The following PLB1 variants were observed in gnomAD, a reference collection of about 807,000 sequenced individuals.
PLB1 encodes phospholipase B1, membrane-associated.
In PLB1, 242 loss-of-function variants were observed where a neutral mutation model predicts 227.4. That is an observed-to-expected ratio of 1.06 (90% CI 0.96 to 1.18). The LOEUF is 1.18. Among genes scored for constraint, PLB1 ranks in the 50% most tolerant of loss-of-function variants. The probability of loss-of-function intolerance (pLI) is 0.00; values close to 1 mark genes in which losing one functional copy is unlikely to be tolerated. For missense variants in PLB1, 1,858 were observed against 1,816.3 expected, an observed-to-expected ratio of 1.02 and a Z score of -0.42; for synonymous variants, 757 against 682.2, an observed-to-expected ratio of 1.11 and a Z score of -1.71.
intron 19 of PLB1, chr2:28,566,554 A>G (rs1676941241): frequency 3.9e-6 from 2 of 512,014 alleles, no homozygotes; most frequent in South Asian, 2.7e-5. Context: ...CCCTTCCCCA[A>G]CATCAGCGAA....
At chr2:28,579,791 A>G in intron 23 of PLB1, 84 bp downstream of exon 23, 1 of 1,192,170 alleles carries the variant, frequency 8.4e-7, no homozygotes, top group Non-Finnish European at 1.2e-6. Context: ...CGGGAGGAGT[A>G]CAGCTAAGTT....
intron 17 of PLB1, among the ~76,000 whole-genome samples, chr2:28,555,099 TG>T (rs1188138254): frequency 2.0e-5 from 3 of 150,728 alleles, no homozygotes; most frequent in African/African-American, 7.3e-5. Context: ...CACAGTTAAC[TG>T]GCCAATAATG....
intron 1 of PLB1, among the ~76,000 whole-genome samples, chr2:28,514,128 A>G (rs917468850): frequency 6.6e-6 from 1 of 152,216 alleles, no homozygotes; most frequent in Admixed American, 6.5e-5. Flanking sequence ...GAAGGGGTCC[A>G]AAAGCTTTTG....
chr2:28,560,692 C>G (rs1336379405), intron 17 of PLB1, among the ~76,000 whole-genome samples: 1 of 152,136 alleles, frequency 6.6e-6, no homozygotes, highest in Admixed American at 6.6e-5. Flanking sequence ...ATAATTGAAC[C>G]TTGAAAACAT....
intron 43 of PLB1, among the ~76,000 whole-genome samples, chr2:28,612,095 G>A (rs894118620): frequency 6.6e-6 from 1 of 152,186 alleles, no homozygotes; most frequent in Admixed American, 6.5e-5. Flanking sequence ...GCAGTGAGCC[G>A]AGATCGCGCC....
At chr2:28,549,412 C>CTT (rs746205635) in intron 15 of PLB1, among the ~76,000 whole-genome samples, 3,458 of 86,758 alleles carry the variant, frequency 0.04, 632 homozygotes, top group Middle Eastern at 0.065. Flanking sequence ...GAGATTCTTT[C>CTT]TTTTTTTTTT....
intron 33 of PLB1, chr2:28,595,568 ATTTAAGT>A (rs1682773507): frequency 6.6e-6 from 1 of 152,178 alleles, no homozygotes; most frequent in Non-Finnish European, 1.5e-5. Context: ...GCAGAAATCT[ATTTAAGT>A]TTTATCTGTT....
chr2:28,507,384 G>A (rs577257340), intron 1 of PLB1, among the ~76,000 whole-genome samples: 5 of 152,286 alleles, frequency 3.3e-5, no homozygotes, highest in Admixed American at 1.3e-4. Context: ...GGGCCCTCTT[G>A]CTGTGCCATC....
At position 28,538,388 on chromosome 2, in the gene PLB1, C is replaced by G. The variant is rs763543278; in HGVS notation, c.618+7C>G. 6.2e-7 allele frequency: 1 copy of G among 1,610,516 alleles called. No individual in the cohort carries two copies. Among genetic ancestry groups the G allele is most frequent in the Non-Finnish European group, 8.5e-7 (1 of 1,179,450 alleles). ...GGACTACCTGCAGCAGGAGGTGAGGCCACGGGCCTAGGGCTTCCCCAAGGG... is the reference window on the plus strand; with the variant it reads ...GGACTACCTGCAGCAGGAGGTGAGGGCACGGGCCTAGGGCTTCCCCAAGGG... On this transcript the variant is annotated splice_region_variant and intron_variant, in intron 10 of 57. Transcript: ENST00000327757.
intron 12 of PLB1, 106 bp downstream of exon 12, chr2:28,540,547 C>T: frequency 1.1e-6 from 1 of 877,174 alleles, no homozygotes; most frequent in South Asian, 1.5e-5. Context: ...AATGTTAGGA[C>T]TTCTCCAGCT....
In PLB1 at chr2:28,535,937, A is replaced by G. The variant is rs774063867; in HGVS notation, c.556-2382A>G. ...TCTGTCTTTAAAAACAAAACAAAAC[A>G]AAACAAATGCTCTGTAGAGACCCAG... On this transcript the variant is annotated intron_variant, in intron 9 of 57. Transcript: ENST00000327757. Among the ~76,000 whole-genome samples the G allele has an allele frequency of 3.9e-5, 6 of 152,194 alleles. No homozygotes were observed. The South Asian group carries it at 1.2e-3, about 32-fold the overall frequency.
chr2:28,525,920 G>A lies in PLB1; in HGVS notation c.300G>A (p.Gln100=), dbSNP rs146883246. ...LEKQDWTERP[Q]QVCMGVMTVL... is the part of the protein sequence containing the mutation. ...CTACCTGCAGGACTGAAAGGCCACA[G>A]CAGGTGTGCATGGGAGTGATGACAG... The change falls in exon 6 of 58, where the codon CAG becomes CAA. Residue 100 remains glutamine, a synonymous_variant. Transcript: ENST00000327757. 4.3e-6 allele frequency: 7 copies of A among 1,613,946 alleles called. No individual in the cohort carries two copies. Among genetic ancestry groups the A allele is most frequent in the African/African-American group, 2.7e-5 (2 of 74,900 alleles).
chr2:28,543,225 TC>T lies in PLB1; in HGVS notation c.895del (p.Gln299ArgfsTer14). 6.2e-7 allele frequency: 1 copy of T among 1,611,798 alleles called. No individual in the cohort carries two copies. The highest frequency in any genetic ancestry group is 1.1e-5 in the South Asian group (1 of 90,276). On this transcript the variant is annotated frameshift_variant, in exon 14 of 58. Coordinates refer to ENST00000327757, the MANE Select transcript of PLB1 (RefSeq NM_153021.5). LOFTEE classifies it high-confidence loss of function. Reference sequence around the variant, plus strand: ...GTTCTCTTTTAGGAGGACCCCCGACTCCAGGATTCTACCACGCTGGCCTGGC... The same window carrying T: ...GTTCTCTTTTAGGAGGACCCCCGACTCAGGATTCTACCACGCTGGCCTGGC... ...TPSLHSEDPRLQDSTTLAWHL... is the reference protein window; with the variant it reads ...TPSLHSEDPRXQDSTTLAWHL...
At chr2:28,634,512 T>G (rs1689069654) in intron 56 of PLB1, among the ~76,000 whole-genome samples, 1 of 152,302 alleles carries the variant, frequency 6.6e-6, no homozygotes, top group East Asian at 1.9e-4. Context: ...ACTCCAAGTC[T>G]GCTTAAATCT....
intron 18 of PLB1, among the ~76,000 whole-genome samples, chr2:28,563,437 A>G (rs915745814): frequency 6.6e-6 from 1 of 152,140 alleles, no homozygotes; most frequent in Non-Finnish European, 1.5e-5. Context: ...GGATTGGACA[A>G]GATCTCCAGA....
chr2:28,625,607 G>C (rs1478220703), intron 50 of PLB1, among the ~76,000 whole-genome samples: 1 of 151,950 alleles, frequency 6.6e-6, no homozygotes, highest in African/African-American at 2.4e-5. Flanking sequence ...ACTGCTTAGA[G>C]GGCCTCCCAG....
rs750806683 is a variant in PLB1 at position 28,640,962 on chromosome 2, C to A, written c.4134C>A (p.Asn1378Lys). 2 of 1,613,954 alleles carry A rather than the reference C, an allele frequency of 1.2e-6. No homozygotes were observed. The highest frequency in any genetic ancestry group is 3.3e-5 in the Admixed American group (2 of 60,016). The change falls in exon 57 of 58, where the codon AAC (asparagine) becomes AAA (lysine). Residue 1378 changes from asparagine (N) to lysine (K), a missense_variant. Asn to Lys is a moderately conservative substitution (Grantham distance 94). Transcript: ENST00000327757. ...EPVGRKTTSN[N>K]FTHSRAKLKC... is the part of the protein sequence containing the mutation. ...TGGGCCGCAAGACTACCTCCAACAACTTCACCCACAGCCGAGCCAAACTCA... is the reference window on the plus strand; with the variant it reads ...TGGGCCGCAAGACTACCTCCAACAAATTCACCCACAGCCGAGCCAAACTCA...
intron 9 of PLB1, among the ~76,000 whole-genome samples, chr2:28,535,872 A>G (rs1363036469): frequency 6.6e-6 from 1 of 152,150 alleles, no homozygotes; most frequent in Non-Finnish European, 1.5e-5. Flanking sequence ...GTGAGCTGAG[A>G]TCATGCCACT....
chr2:28,544,416 C>T (rs1672933654), intron 14 of PLB1, among the ~76,000 whole-genome samples: 1 of 152,234 alleles, frequency 6.6e-6, no homozygotes, highest in Non-Finnish European at 1.5e-5. Flanking sequence ...AACCTCTCCT[C>T]TCCTGCCATC....
Sources: allele counts gnomAD v4.1 joint callset (sites outside exome capture counted in the v4.1 genomes callset), GRCh38; gene constraint gnomAD v4.1.1; transcripts MANE v1.5; gene names NCBI Gene and HGNC (gene_info 2026-07-23, HGNC 2026-07-21).